TRPC4: variants seen among roughly 807,000 people sequenced by gnomAD.
TRPC4 encodes the protein transient receptor potential cation channel subfamily C member 4.
A neutral mutation model predicts 99.4 loss-of-function variants in TRPC4; 49 were observed. That is an observed-to-expected ratio of 0.49 (90% CI 0.39 to 0.63). The LOEUF (loss-of-function observed/expected upper bound fraction) is 0.63. Ranked by LOEUF, TRPC4 falls within the 20% of genes least tolerant of loss-of-function variation. The pLI, the probability that TRPC4 is intolerant of heterozygous loss-of-function variation, is 0.00. For missense variants in TRPC4, 898 were observed against 1,152.9 expected (o/e 0.78, Z 3.20); for synonymous variants, 454 against 425.9 (o/e 1.07, Z -0.81).
chr13:37,695,371 A>C (rs1006832514), intron 3 of TRPC4, among the ~76,000 whole-genome samples: 12 of 152,138 alleles, frequency 7.9e-5, no homozygotes, highest in African/African-American at 2.9e-4. Flanking sequence ...ACATTCCAGC[A>C]ATGCCCTCTC....
chr13:37,738,156 C>T (rs1371959744), intron 3 of TRPC4, among the ~76,000 whole-genome samples: 1 of 152,010 alleles, frequency 6.6e-6, no homozygotes, highest in Non-Finnish European at 1.5e-5. Context: ...CTCTGAGAGT[C>T]CTGAGAAATG....
intron 5 of TRPC4, among the ~76,000 whole-genome samples, chr13:37,671,543 C>G (rs1433031091): frequency 6.7e-6 from 1 of 149,522 alleles, no homozygotes; most frequent in African/African-American, 2.5e-5. Context: ...CTAGTAGACT[C>G]ATAGTACATG....
At chr13:37,788,503 T>G (rs1957027370) in intron 1 of TRPC4, among the ~76,000 whole-genome samples, 1 of 152,124 alleles carries the variant, frequency 6.6e-6, no homozygotes, top group Admixed American at 6.6e-5. Context: ...TCTTACGAGT[T>G]TTCAGTAGGT....
Position 37,734,041 on chromosome 13 carries a change from T to C in TRPC4, c.897+11896A>G, listed in dbSNP as rs115164662. 6.8e-3 allele frequency among the ~76,000 whole-genome samples: 1,028 copies of C among 152,072 alleles called. 17 individuals are homozygous for C. The highest frequency in any genetic ancestry group is 0.024 in the African/African-American group (989 of 41,484). On this transcript the variant is annotated intron_variant, in intron 3 of 10. Transcript: ENST00000379705. Reference sequence around the variant, plus strand: ...TTGCCCAGCAGAGATAAAATGAGGGTAGAGGCCACGGGTTTGGAATGAGGA... The same window carrying C: ...TTGCCCAGCAGAGATAAAATGAGGGCAGAGGCCACGGGTTTGGAATGAGGA...
chr13:37,720,479 T>C (rs1408710435), intron 3 of TRPC4, among the ~76,000 whole-genome samples: 1 of 152,078 alleles, frequency 6.6e-6, no homozygotes, highest in Non-Finnish European at 1.5e-5. Context: ...TTTTGCTTTT[T>C]CCTAGAATCA....
At chr13:37,738,058 C>T (rs1384702916) in intron 3 of TRPC4, among the ~76,000 whole-genome samples, 1 of 152,070 alleles carries the variant, frequency 6.6e-6, no homozygotes, top group Non-Finnish European at 1.5e-5. Context: ...CTTTCCATTC[C>T]CCAGGTCTAC....
intron 1 of TRPC4, among the ~76,000 whole-genome samples, chr13:37,789,417 C>T (rs891052187): frequency 6.6e-6 from 1 of 152,112 alleles, no homozygotes; most frequent in African/African-American, 2.4e-5. Flanking sequence ...CTTTTTTATG[C>T]ATCTTTATAA....
intron 7 of TRPC4, among the ~76,000 whole-genome samples, chr13:37,652,378 T>C (rs1278603345): frequency 6.6e-6 from 1 of 152,222 alleles, no homozygotes. Context: ...TATTCCTAAA[T>C]TGCTGTGTGC....
At chr13:37,806,580 T>C (rs1245869024) in intron 1 of TRPC4, among the ~76,000 whole-genome samples, 1 of 152,024 alleles carries the variant, frequency 6.6e-6, no homozygotes, top group Non-Finnish European at 1.5e-5. Context: ...AGAACTCAAA[T>C]AATCACTAAC....
intron 5 of TRPC4, among the ~76,000 whole-genome samples, chr13:37,664,302 G>A (rs756584617): frequency 3.3e-5 from 5 of 152,094 alleles, no homozygotes; most frequent in Non-Finnish European, 5.9e-5. Context: ...GGCCTGGCGC[G>A]GTGGCTGATG....
intron 7 of TRPC4, among the ~76,000 whole-genome samples, chr13:37,654,196 A>C (rs1392742178): frequency 6.6e-6 from 1 of 152,150 alleles, no homozygotes; most frequent in East Asian, 1.9e-4. Context: ...TGACAAAAAA[A>C]CAGTAATAAC....
chr13:37,761,560 A>T (rs1956221761), intron 2 of TRPC4, among the ~76,000 whole-genome samples: 1 of 151,956 alleles, frequency 6.6e-6, no homozygotes, highest in African/African-American at 2.4e-5. Context: ...TTTATTCAAA[A>T]TATTTCTCAT....
At chr13:37,762,223 TGTAAA>T (rs1956242331) in intron 2 of TRPC4, among the ~76,000 whole-genome samples, 1 of 151,816 alleles carries the variant, frequency 6.6e-6, no homozygotes, top group Non-Finnish European at 1.5e-5. Flanking sequence ...CCACCAACAG[TGTAAA>T]AGTGTTCCTA....
At chr13:37,794,768 A>G (rs375671031) in intron 1 of TRPC4, among the ~76,000 whole-genome samples, 24 of 152,264 alleles carry the variant, frequency 1.6e-4, no homozygotes, top group South Asian at 8.3e-4. Flanking sequence ...TTAATTAAAA[A>G]AGTACTATTG....
At chr13:37,643,810 A>G (rs1951793391) in intron 8 of TRPC4, among the ~76,000 whole-genome samples, 1 of 152,176 alleles carries the variant, frequency 6.6e-6, no homozygotes, top group South Asian at 2.1e-4. Flanking sequence ...GTCATTTAGC[A>G]GTAGCACCAA....
At chr13:37,727,098 G>A (rs1577005) in intron 3 of TRPC4, among the ~76,000 whole-genome samples, 76,146 of 151,800 alleles carry the variant, frequency 0.5, 20,017 homozygotes, top group Non-Finnish European at 0.59. Flanking sequence ...ACAGACATAT[G>A]CAGAGCACTC....
rs989034840 is a variant in TRPC4 at position 37,825,075 on chromosome 13, A to G, written c.-27-41715T>C. Among the ~76,000 whole-genome samples, 266 of 151,262 alleles carry G rather than the reference A, an allele frequency of 1.8e-3. 3 individuals are homozygous for G. The highest frequency in any genetic ancestry group is 7.1e-4 in the Non-Finnish European group (48 of 67,500). Reference sequence around the variant, plus strand: ...TTATTTGCATAGAGGTGTTTGTAGTATTCTCTGATGGTAGTTTGTATTTCT... The same window carrying G: ...TTATTTGCATAGAGGTGTTTGTAGTGTTCTCTGATGGTAGTTTGTATTTCT... On this transcript the variant is annotated intron_variant, in intron 1 of 10. Transcript: ENST00000379705.
chr13:37,744,286 C>A (rs906218633), intron 3 of TRPC4, among the ~76,000 whole-genome samples: 1 of 152,126 alleles, frequency 6.6e-6, no homozygotes, highest in Non-Finnish European at 1.5e-5. Flanking sequence ...TTCTTATCTT[C>A]CCATTTACCA....
chr13:37,836,447 T>G (rs905424520), intron 1 of TRPC4, among the ~76,000 whole-genome samples: 4 of 152,006 alleles, frequency 2.6e-5, no homozygotes, highest in Admixed American at 2.0e-4. Context: ...ATGCTGATAG[T>G]GATATGGACA....
Sources: allele counts gnomAD v4.1 joint callset (sites outside exome capture counted in the v4.1 genomes callset), GRCh38; gene constraint gnomAD v4.1.1; transcripts MANE v1.5; gene names NCBI Gene and HGNC (gene_info 2026-07-23, HGNC 2026-07-21).